Variants in ARHGEF7 observed in about 807,000 individuals in gnomAD.
ARHGEF7 encodes the protein Rho guanine nucleotide exchange factor 7.
A neutral mutation model predicts 109.8 loss-of-function variants in ARHGEF7; 33 were observed. The ratio of observed to expected loss-of-function variants is 0.30; its 90% confidence interval spans 0.23 to 0.40. The LOEUF is 0.40. Ranked by LOEUF, ARHGEF7 falls within the 10% of genes least tolerant of loss-of-function variation. ARHGEF7 has a pLI of 1.00. For missense variants in ARHGEF7, 938 were observed against 1,098.5 expected, an observed-to-expected ratio of 0.85 and a Z score of 2.07; for synonymous variants, 458 against 424.6, an observed-to-expected ratio of 1.08 and a Z score of -0.97.
chr13:111,297,929 T>C (rs2093463075), intron 19 of ARHGEF7, among the ~76,000 whole-genome samples: 1 of 152,270 alleles, frequency 6.6e-6, no homozygotes, highest in South Asian at 2.1e-4. Context: ...TACATAACTT[T>C]TTCCAGTGTG....
chr13:111,127,648 GAAAAAA>G (rs71206956), intron 1 of ARHGEF7, among the ~76,000 whole-genome samples: 930 of 40,002 alleles, frequency 0.023, 1 homozygote, highest in Non-Finnish European at 0.035. Context: ...CTCTGTTTCA[GAAAAAA>G]AAAAAAAAAA....
At chr13:111,165,061 A>G (rs2077018494) in intron 2 of ARHGEF7, among the ~76,000 whole-genome samples, 1 of 152,156 alleles carries the variant, frequency 6.6e-6, no homozygotes, top group Admixed American at 6.5e-5. Context: ...GAACTTACCA[A>G]TCAGAGAACA....
At chr13:111,190,171 T>C (rs1246408040) in intron 2 of ARHGEF7, among the ~76,000 whole-genome samples, 1 of 152,178 alleles carries the variant, frequency 6.6e-6, no homozygotes, top group Admixed American at 6.5e-5. Context: ...TGTAGCTTGA[T>C]AGCCTTGATT....
intron 8 of ARHGEF7, among the ~76,000 whole-genome samples, chr13:111,265,961 C>T (rs938890908): frequency 3.3e-5 from 5 of 152,192 alleles, no homozygotes; most frequent in African/African-American, 9.7e-5. Context: ...GTGTGCTTAT[C>T]GGTGGGGACA....
intron 1 of ARHGEF7, among the ~76,000 whole-genome samples, chr13:111,135,599 C>T (rs1252590856): frequency 1.3e-5 from 2 of 152,190 alleles, no homozygotes; most frequent in Non-Finnish European, 2.9e-5. Context: ...CTCTGTTTGT[C>T]TGTTATTGGT....
At chr13:111,166,930 G>T (rs1390948302) in intron 2 of ARHGEF7, among the ~76,000 whole-genome samples, 1 of 152,198 alleles carries the variant, frequency 6.6e-6, no homozygotes, top group Non-Finnish European at 1.5e-5. Flanking sequence ...GTGCTGTGGG[G>T]AGGAGGACAT....
chr13:111,196,117 C>A (rs569751213), intron 2 of ARHGEF7, among the ~76,000 whole-genome samples: 1 of 152,154 alleles, frequency 6.6e-6, no homozygotes, highest in African/African-American at 2.4e-5. Flanking sequence ...TGTAGCCAGT[C>A]GAGGAAGGCA....
intron 4 of ARHGEF7, among the ~76,000 whole-genome samples, chr13:111,214,379 C>T (rs879595528): frequency 2.6e-5 from 4 of 152,214 alleles, no homozygotes; most frequent in Non-Finnish European, 4.4e-5. Context: ...GGGCCTGCTG[C>T]GCCTGCGTTG....
intron 6 of ARHGEF7, among the ~76,000 whole-genome samples, chr13:111,234,618 A>G (rs987051172): frequency 3.3e-5 from 5 of 152,032 alleles, no homozygotes; most frequent in Non-Finnish European, 7.4e-5. Context: ...CTCATGCATC[A>G]TGCCACTTCT....
chr13:111,256,216 T>G (rs1423985597), intron 8 of ARHGEF7, among the ~76,000 whole-genome samples: 1 of 152,222 alleles, frequency 6.6e-6, no homozygotes, highest in Non-Finnish European at 1.5e-5. Flanking sequence ...CAGGAAGGTT[T>G]CACTTGGAAG....
chr13:111,221,024 T>TTA (rs573842358), intron 5 of ARHGEF7, among the ~76,000 whole-genome samples: 22 of 147,612 alleles, frequency 1.5e-4, no homozygotes, highest in Admixed American at 5.5e-4. Flanking sequence ...TATATACATG[T>TTA]TATATATATA....
intron 8 of ARHGEF7, among the ~76,000 whole-genome samples, chr13:111,245,114 C>G (rs563381324): frequency 1.3e-5 from 2 of 152,128 alleles, no homozygotes; most frequent in African/African-American, 4.8e-5. Flanking sequence ...TTGGGCCCTT[C>G]CTGTTGACCA....
At chr13:111,149,498 G>A (rs2075785447) in intron 1 of ARHGEF7, among the ~76,000 whole-genome samples, 1 of 152,178 alleles carries the variant, frequency 6.6e-6, no homozygotes, top group South Asian at 2.1e-4. Context: ...TTGAATTACT[G>A]ACAAATGCAA....
chr13:111,179,076 C>CTTTT, intron 2 of ARHGEF7, among the ~76,000 whole-genome samples: 1 of 46,016 alleles, frequency 2.2e-5, no homozygotes, highest in African/African-American at 9.5e-5. Context: ...GTTCAAATGC[C>CTTTT]TGTTCTTTTT....
intron 1 of ARHGEF7, among the ~76,000 whole-genome samples, chr13:111,120,132 A>G (rs1367367291): frequency 2.0e-5 from 3 of 152,256 alleles, no homozygotes; most frequent in Non-Finnish European, 2.9e-5. Flanking sequence ...CTTTTGAAGC[A>G]TGTGACTTTA....
At chr13:111,295,558 T>C (rs909657073) in intron 19 of ARHGEF7, among the ~76,000 whole-genome samples, 3 of 151,908 alleles carry the variant, frequency 2.0e-5, no homozygotes, top group African/African-American at 2.4e-5. Flanking sequence ...TTTTGTTTTA[T>C]AAAGTGCTTA....
chr13:111,156,072 G>C (rs2076299204), intron 2 of ARHGEF7, among the ~76,000 whole-genome samples: 1 of 111,044 alleles, frequency 9.0e-6, no homozygotes, highest in Admixed American at 1.0e-4. Flanking sequence ...GACAGAGCAA[G>C]ACTCCCTCAA....
At chr13:111,162,330 G>A (rs1480226060) in intron 2 of ARHGEF7, among the ~76,000 whole-genome samples, 1 of 152,214 alleles carries the variant, frequency 6.6e-6, no homozygotes, top group East Asian at 1.9e-4. Context: ...AACATTTCCT[G>A]CATTGGACTT....
intron 2 of ARHGEF7, among the ~76,000 whole-genome samples, chr13:111,178,328 G>A (rs542498124): frequency 9.3e-4 from 141 of 152,254 alleles, no homozygotes; most frequent in African/African-American, 3.3e-3. Context: ...ATATTTAGAT[G>A]TGCAGTCTAC....
Sources: gnomAD v4.1 joint callset for allele counts (sites outside exome capture counted in the v4.1 genomes callset) on GRCh38, gnomAD v4.1.1 for gene constraint, MANE v1.5 for transcripts, NCBI Gene and HGNC (gene_info 2026-07-23, HGNC 2026-07-21) for gene names.